Variants in RNF144A observed in about 807,000 individuals in gnomAD.
RNF144A encodes ring finger protein 144A.
RNF144A carries 11 observed loss-of-function variants against 38.7 expected under a neutral mutation model. The ratio of observed to expected loss-of-function variants is 0.28; its 90% CI spans 0.18 to 0.47. The LOEUF (loss-of-function observed/expected upper bound fraction) is 0.47. Ranked by LOEUF, RNF144A falls within the 20% of genes least tolerant of loss-of-function variation. The pLI is 0.99. For missense variants in RNF144A, 316 were observed against 377.2 expected (o/e 0.84, Z 1.34); for synonymous variants, 149 against 143.9 (o/e 1.04, Z -0.25).
chr2:6,964,685 T>C (rs974229665), intron 2 of RNF144A, among the ~76,000 whole-genome samples: 5 of 152,138 alleles, frequency 3.3e-5, no homozygotes, highest in South Asian at 2.1e-4. Context: ...ATGGATGAAA[T>C]TGGAAATCAT....
At chr2:7,044,253 T>C, downstream of RNF144A, 10 of 884,756 alleles carry the variant, frequency 1.1e-5, no homozygotes, top group Non-Finnish European at 1.4e-5. Flanking sequence ...CTATCTTCAG[T>C]CTTCAATATT....
chr2:7,034,392 G>A (rs1328064446), intron 8 of RNF144A, among the ~76,000 whole-genome samples: 1 of 152,154 alleles, frequency 6.6e-6, no homozygotes, highest in African/African-American at 2.4e-5. Context: ...TTGAGTGGAC[G>A]CCCACCCTCC....
At chr2:6,993,017 C>T (rs1034594986) in intron 2 of RNF144A, among the ~76,000 whole-genome samples, 1 of 152,210 alleles carries the variant, frequency 6.6e-6, no homozygotes, top group Non-Finnish European at 1.5e-5. Flanking sequence ...TTTTATTGTG[C>T]ATTGTGATTC....
chr2:7,056,997 G>T (rs1205175490), intron 6 of RNF144A, among the ~76,000 whole-genome samples: 1 of 152,178 alleles, frequency 6.6e-6, no homozygotes, highest in African/African-American at 2.4e-5. Context: ...CCTTGCCAGG[G>T]TCTGCTGGAT....
chr2:7,020,863 AACTG>A, intron 6 of RNF144A, 183 bp downstream of exon 6: 1 of 608,686 alleles, frequency 1.6e-6, no homozygotes, highest in South Asian at 2.0e-5. Context: ...TATTTTTGAG[AACTG>A]ACTATGTACC....
At position 7,014,474 on chromosome 2, in the gene RNF144A, G is replaced by T; in HGVS notation, c.156G>T (p.Glu52Asp). The T allele has an allele frequency of 1.9e-6, 3 of 1,612,708 alleles. No individual in the cohort carries two copies. The South Asian group carries it at 3.3e-5, about 18-fold the overall frequency. The change falls in exon 4 of 9, where the codon GAG (glutamate) becomes GAT (aspartate). Residue 52 changes from glutamate to aspartate, a missense_variant. Coordinates refer to ENST00000320892, the MANE Select transcript of RNF144A (RefSeq NM_014746.6). ...TTCAGTGCCTGAAACAGTATGTTGA[G>T]CTCTTGATCAAAGAAGGATTAGAAA... ...FCTLCLKQYV[E>D]LLIKEGLETA...
At position 7,043,421 on chromosome 2, in the gene RNF144A, G is replaced by C; in HGVS notation, c.*3661G>C. The C allele has an allele frequency of 1.0e-6, 1 of 985,506 alleles. No individual in the cohort carries two copies. The highest frequency in any genetic ancestry group is 1.1e-4 in the East Asian group (1 of 8,818). The allele number at this position is 985,506 out of a possible 1,614,324, so 61.0% of individuals were successfully genotyped here. On this transcript the variant is annotated 3_prime_UTR_variant, in exon 9 of 9. Coordinates refer to ENST00000320892, the MANE Select transcript of RNF144A (RefSeq NM_014746.6). The stretch of plus-strand genomic sequence containing the variant: ...ATTGAAAGGATCCAGGATGGGCTTT[G>C]TGTGTGTGTCTCAGATTCTCATTTA...
chr2:7,046,730 G>A (rs1673321069), downstream of RNF144A, among the ~76,000 whole-genome samples: 1 of 152,178 alleles, frequency 6.6e-6, no homozygotes, highest in Admixed American at 6.5e-5. Flanking sequence ...AGGGGTGCAA[G>A]GAAGTGGTTG....
the RNF144A span, among the ~76,000 whole-genome samples, chr2:7,073,612 G>A: frequency 6.6e-6 from 1 of 152,204 alleles, no homozygotes. Flanking sequence ...CCGATGCCTG[G>A]CCATTGACTG....
intron 2 of RNF144A, among the ~76,000 whole-genome samples, chr2:6,954,649 G>A (rs556539358): frequency 3.3e-5 from 5 of 152,284 alleles, no homozygotes; most frequent in Admixed American, 6.5e-5. Context: ...AAAGAAGATG[G>A]GAACTCTCCA....
chr2:7,068,231 G>C, exon 7 of RNF144A: 1 of 1,302,344 alleles, frequency 7.7e-7, no homozygotes, highest in Non-Finnish European at 1.0e-6. Context: ...TGCCATCTTA[G>C]AGAAATGCAT....
At chr2:6,945,347 A>G (rs1666264681) in intron 2 of RNF144A, among the ~76,000 whole-genome samples, 1 of 152,242 alleles carries the variant, frequency 6.6e-6, no homozygotes, top group Admixed American at 6.5e-5. Flanking sequence ...ACAATCAATC[A>G]TAACCACATT....
chr2:7,001,931 A>G (rs1420960531), intron 3 of RNF144A, among the ~76,000 whole-genome samples: 1 of 152,212 alleles, frequency 6.6e-6, no homozygotes, highest in East Asian at 1.9e-4. Context: ...CTAAAATATG[A>G]TCAACCTCAT....
At chr2:6,921,779 G>A (rs1220984887) in intron 1 of RNF144A, among the ~76,000 whole-genome samples, 1 of 152,204 alleles carries the variant, frequency 6.6e-6, no homozygotes, top group Non-Finnish European at 1.5e-5. Context: ...CTGCTGGGGC[G>A]ATGCTGTTGG....
chr2:6,956,436 T>G (rs1355563134), intron 2 of RNF144A, among the ~76,000 whole-genome samples: 1 of 152,144 alleles, frequency 6.6e-6, no homozygotes, highest in Non-Finnish European at 1.5e-5. Context: ...CCACACATCT[T>G]TTTGGATGTC....
At chr2:7,030,689 C>T (rs982009523) in intron 8 of RNF144A, among the ~76,000 whole-genome samples, 7 of 152,088 alleles carry the variant, frequency 4.6e-5, no homozygotes, top group Non-Finnish European at 7.4e-5. Flanking sequence ...GGACTCACTT[C>T]GTGGAAGGCA....
At chr2:7,004,747 G>A (rs1471449282) in intron 3 of RNF144A, among the ~76,000 whole-genome samples, 1 of 152,154 alleles carries the variant, frequency 6.6e-6, no homozygotes, top group African/African-American at 2.4e-5. Context: ...GGACTTCGAC[G>A]TTTCTCAGCT....
At chr2:7,016,113 A>AG (rs892000492) in intron 5 of RNF144A, among the ~76,000 whole-genome samples, 4 of 151,212 alleles carry the variant, frequency 2.6e-5, no homozygotes, top group African/African-American at 9.8e-5. Flanking sequence ...CTAAAAAAAA[A>AG]AAAAAAAAAG....
At chr2:6,986,072 G>A (rs1037978476) in intron 2 of RNF144A, among the ~76,000 whole-genome samples, 1 of 152,104 alleles carries the variant, frequency 6.6e-6, no homozygotes, top group African/African-American at 2.4e-5. Context: ...GTTTTCACGT[G>A]GGCAGAAGGA....
Sources: allele counts gnomAD v4.1 joint callset (sites outside exome capture counted in the v4.1 genomes callset), GRCh38; gene constraint gnomAD v4.1.1; transcripts MANE v1.5; gene names NCBI Gene and HGNC (gene_info 2026-07-23, HGNC 2026-07-21).